The following STRA6 variants were observed in gnomAD, a reference collection of about 807,000 sequenced individuals.
The protein encoded by STRA6 is receptor for retinol uptake STRA6.
Under a neutral mutation model 83.6 loss-of-function variants are expected in STRA6, and 48 were observed. The ratio of observed to expected loss-of-function variants is 0.57; its 90% CI spans 0.46 to 0.73. The LOEUF (loss-of-function observed/expected upper bound fraction) is 0.73, where lower values mean the gene tolerates loss of function less well. STRA6 is among the 30% of genes least tolerant of loss of function. The pLI, the probability that STRA6 is intolerant of heterozygous loss-of-function variation, is 0.00. For synonymous variants in STRA6, 353 were observed against 362.3 expected (o/e 0.97, Z 0.29); for missense variants, 760 against 838.8 (o/e 0.91, Z 1.16).
chr15:74,191,503 GACA>G lies in STRA6; in HGVS notation c.721-15_721-13del. On this transcript the variant is annotated splice_polypyrimidine_tract_variant and intron_variant, in intron 8 of 18. Transcript: ENST00000395105. Reference sequence around the variant, plus strand: ...CTGCTCTGCAGCCCCTGTGGAGACAGACAATTGAACAAGCAGATGAGATCTGCC... The same window carrying G: ...CTGCTCTGCAGCCCCTGTGGAGACAGATTGAACAAGCAGATGAGATCTGCC... The G allele has an allele frequency of 6.2e-7, 1 of 1,613,332 alleles. No individual in the cohort carries two copies. The highest frequency in any genetic ancestry group is 2.2e-5 in the East Asian group (1 of 44,872).
At chr15:74,197,051 C>T (rs1043823761) in intron 4 of STRA6, among the ~76,000 whole-genome samples, 7 of 152,176 alleles carry the variant, frequency 4.6e-5, no homozygotes, top group African/African-American at 1.7e-4. Flanking sequence ...GGAGGGCTGC[C>T]TGAGAAGGTA....
intron 13 of STRA6, among the ~76,000 whole-genome samples, chr15:74,184,262 G>A (rs2073133320): frequency 6.6e-6 from 1 of 152,226 alleles, no homozygotes; most frequent in Non-Finnish European, 1.5e-5. Flanking sequence ...ACAACAGTGA[G>A]AATGGAAGTG....
upstream of STRA6, chr15:74,203,165 C>G: frequency 1.0e-6 from 1 of 985,496 alleles, no homozygotes; most frequent in Non-Finnish European, 1.2e-6. Context: ...GTTTCTTCTC[C>G]TAGGGTTTCC....
At chr15:74,202,566 C>G (rs1022139948) in intron 1 of STRA6, 147 bp downstream of exon 1, 912 of 1,473,402 alleles carry the variant, frequency 6.2e-4, no homozygotes, top group Non-Finnish European at 7.2e-4. Flanking sequence ...CCCCGGGGCT[C>G]CCGCTGGCGC....
Position 74,188,339 on chromosome 15 carries a change from G to A in STRA6, c.1090+776C>T, listed in dbSNP as rs2073359539. Among the ~76,000 whole-genome samples, 2 of 152,256 alleles carry A rather than the reference G, an allele frequency of 1.3e-5. No individual in the cohort carries two copies. ...CTCCTCAGAAGCCGGGGGCCCATCC[G>A]TCCCAGCCTGGGGTCCCCAAGTAAG... On this transcript the variant is annotated intron_variant, in intron 12 of 18. Coordinates refer to ENST00000395105, the MANE Select transcript of STRA6 (RefSeq NM_022369.4). The surrounding 1 kb of genome is among the most constrained non-coding windows in gnomAD (Gnocchi z 4.5).
upstream of STRA6, among the ~76,000 whole-genome samples, chr15:74,204,997 C>T (rs117005295): frequency 4.2e-3 from 636 of 152,260 alleles, 21 homozygotes; most frequent in East Asian, 0.066. Context: ...CCTAACTCTG[C>T]CTTCCCCAGG....
intron 7 of STRA6, chr15:74,194,514 G>T: frequency 4.4e-6 from 2 of 455,208 alleles, no homozygotes; most frequent in African/African-American, 2.1e-5. Context: ...AGGGACTGGT[G>T]TTATCAGCTC....
upstream of STRA6, among the ~76,000 whole-genome samples, chr15:74,206,215 C>A (rs577483076): frequency 2.0e-5 from 3 of 152,318 alleles, no homozygotes; most frequent in South Asian, 6.2e-4. Context: ...CCACCTGCCC[C>A]CTCCTGGCCC....
intron 12 of STRA6, among the ~76,000 whole-genome samples, chr15:74,186,895 C>A (rs192838878): frequency 6.3e-4 from 96 of 152,350 alleles, no homozygotes; most frequent in African/African-American, 2.1e-3. Flanking sequence ...CCACCAGGTG[C>A]TTCCCAGATT....
chr15:74,194,752 T>C (rs970233121), intron 7 of STRA6: 1 of 1,258,706 alleles, frequency 7.9e-7, no homozygotes, highest in Non-Finnish European at 1.0e-6. Flanking sequence ...GGTGAGTGAA[T>C]GAATGAAGTG....
At chr15:74,209,518 C>T (rs1335020757), upstream of STRA6, 3 of 1,365,520 alleles carry the variant, frequency 2.2e-6, no homozygotes, top group Non-Finnish European at 2.0e-6. Context: ...CACAGGGCTT[C>T]AGGGCTGGAA....
rs776577062 is a variant in STRA6, at chr15:74,180,794, C to T, written c.1828G>A (p.Glu610Lys). The T allele has an allele frequency of 1.1e-5, 17 of 1,609,382 alleles. No individual in the cohort carries two copies. The highest frequency in any genetic ancestry group is 1.4e-5 in the Non-Finnish European group (16 of 1,176,328). Residue 610 changes from glutamate (E) to lysine (K), a missense_variant, in exon 18 of 19, where the codon GAG (glutamate) becomes AAG (lysine). Transcript: ENST00000395105. ...TGGGAGGGCGCACCTTCGTCTTCCT[C>T]CCCTGGTCTGAGGCTGTCCTGGGGG... Reference protein sequence around the residue: ...AAPQDSLRPGEEDEGMQLLQT... With the variant: ...AAPQDSLRPGKEDEGMQLLQT...
In STRA6 at chr15:74,188,698, A is replaced by G. The variant is rs1284137742; in HGVS notation, c.1090+417T>C. On this transcript the variant is annotated intron_variant, in intron 12 of 18. Coordinates refer to ENST00000395105, the MANE Select transcript of STRA6 (RefSeq NM_022369.4). The surrounding 1 kb of genome is among the most constrained non-coding windows in gnomAD (Gnocchi z 4.5). ...GGCCCCAAAAGACAGGGAGTGGGGA[A>G]GAGAAAGCCTGTGCCCTGCCCAACG... Among the ~76,000 whole-genome samples the G allele has an allele frequency of 6.6e-6, 1 of 152,196 alleles. No individual in the cohort carries two copies. The highest frequency in any genetic ancestry group is 2.4e-5 in the African/African-American group (1 of 41,448).
Position 74,196,143 on chromosome 15 carries a change from C to A in STRA6, c.271G>T (p.Val91Leu), listed in dbSNP as rs762671821. ...VRGRPGLPSP[V>L]DFLAGDRPRA... ...GGCCTGTCCCCAGCCAAGAAATCCA[C>A]AGGGCTAGCACAGAGGCAAGGACAG... The change falls in exon 5 of 19, where the codon GTG (valine) becomes TTG (leucine). Residue 91 changes from valine (V) to leucine (L), a missense_variant. Transcript: ENST00000395105. 6.2e-7 allele frequency: 1 copy of A among 1,613,754 alleles called. No homozygotes were observed. Among genetic ancestry groups the A allele is most frequent in the Non-Finnish European group, 8.5e-7 (1 of 1,179,988 alleles).
At chr15:74,184,032 C>T in intron 13 of STRA6, 43 bp from the exon 14 acceptor site, 1 of 1,608,026 alleles carries the variant, frequency 6.2e-7, no homozygotes, top group Non-Finnish European at 8.5e-7. Context: ...GGGAGCAACA[C>T]ACTCTTCCTA....
chr15:74,191,080 G>A, intron 10 of STRA6, 87 bp downstream of exon 10: 1 of 1,577,598 alleles, frequency 6.3e-7, no homozygotes, highest in Admixed American at 1.9e-5. Context: ...ATTCTGGGGA[G>A]CAGGAGCCAG....
intron 7 of STRA6, 194 bp downstream of exon 7, chr15:74,195,108 G>A (rs2073746408): frequency 6.8e-7 from 1 of 1,478,904 alleles, no homozygotes; most frequent in Non-Finnish European, 9.0e-7. Flanking sequence ...GCTGGGCCCA[G>A]CCACCTTGTT....
chr15:74,182,851 G>A, intron 14 of STRA6: 1 of 280,358 alleles, frequency 3.6e-6, no homozygotes, highest in South Asian at 4.1e-5. Context: ...TACGGTAGGT[G>A]CCCAAGGACT....
chr15:74,195,578 G>A lies in STRA6; in HGVS notation c.430+74C>T, dbSNP rs115881528. 2.5e-5 allele frequency: 39 copies of A among 1,563,182 alleles called. No individual in the cohort carries two copies. In the Admixed American group the frequency reaches 4.5e-4, roughly 18 times the overall value. ...CTCCAGCTTCCAAGCCCTTCAGCAC[G>A]TTCAGTGGGCAAGAACACTAGGTTC... On this transcript the variant is annotated intron_variant, in intron 6 of 18. Transcript: ENST00000395105.
Sources: gnomAD v4.1 joint callset for allele counts (sites outside exome capture counted in the v4.1 genomes callset) on GRCh38, gnomAD v4.1.1 for gene constraint, Gnocchi (gnomAD v3.1) non-coding constraint, MANE v1.5 for transcripts, NCBI Gene and HGNC (gene_info 2026-07-23, HGNC 2026-07-21) for gene names.